Variants in NUP214 observed in about 807,000 individuals in gnomAD.
NUP214 encodes the protein nuclear pore complex protein Nup214.
Under a neutral mutation model 196.2 loss-of-function variants are expected in NUP214, and 79 were observed. The observed-to-expected ratio is 0.40, with a 90% confidence interval of 0.34 to 0.49. The LOEUF is 0.49. Ranked by LOEUF, NUP214 falls within the 20% of genes least tolerant of loss-of-function variation. The pLI is 0.58. For synonymous variants in NUP214, 1,020 were observed against 990.5 expected, an observed-to-expected ratio of 1.03 and a Z score of -0.56; for missense variants, 2,468 against 2,539.0, an observed-to-expected ratio of 0.97 and a Z score of 0.60.
At chr9:131,203,950 G>A (rs1834008073) in intron 30 of NUP214, among the ~76,000 whole-genome samples, 1 of 152,204 alleles carries the variant, frequency 6.6e-6, no homozygotes, top group African/African-American at 2.4e-5. Context: ...AGACCCTTCA[G>A]CTGGGACTCC....
At position 131,232,438 on chromosome 9, in the gene NUP214, TG is replaced by T; in HGVS notation, c.6239+135del. 1 of 951,446 alleles carries T rather than the reference TG, an allele frequency of 1.1e-6. No homozygotes were observed. Among genetic ancestry groups the T allele is most frequent in the Admixed American group, 1.9e-5 (1 of 52,204 alleles). The allele number at this position is 951,446 out of a possible 1,614,324, so 58.9% of individuals were successfully genotyped here. The stretch of plus-strand genomic sequence containing the variant: ...GTTTTTAGAGTTTGTCCTGGAAGTG[TG>T]GGGGTTCAGCAGCAGGGTTTGGGTT... On this transcript the variant is annotated intron_variant, in intron 35 of 35. Coordinates refer to ENST00000359428, the MANE Select transcript of NUP214 (RefSeq NM_005085.4). This position sits in a 1 kb window ranked among gnomAD's most constrained non-coding sequence, Gnocchi z 5.1.
At chr9:131,140,888 A>G (rs374577329) in intron 11 of NUP214, among the ~76,000 whole-genome samples, 178 bp downstream of exon 11, 1 of 152,074 alleles carries the variant, frequency 6.6e-6, no homozygotes, top group Non-Finnish European at 1.5e-5. Context: ...GCCTTCCCCT[A>G]CCCTCAAGCT....
At chr9:131,230,452 A>C in intron 33 of NUP214, 178 bp from the exon 34 acceptor site, 1 of 640,886 alleles carries the variant, frequency 1.6e-6, no homozygotes, top group Non-Finnish European at 2.7e-6. Flanking sequence ...GAGCAGAGAT[A>C]AAAGTTGGCC....
In NUP214 at chr9:131,159,331, C is replaced by T. The variant is rs1035026471; in HGVS notation, c.2437-52C>T. The T allele has an allele frequency of 8.0e-5, 104 of 1,297,610 alleles. 1 individual carries two copies. In the African/African-American group the frequency reaches 1.5e-3, roughly 19 times the overall value. 80.4% of individuals were successfully genotyped at this position (1,297,610 alleles called of 1,614,324 possible). A position where few individuals can be genotyped will look rare whatever the true frequency, so the allele number is the denominator to read the frequency against. ...CTTTTGACTGTTTTGATACATCTTC[C>T]CCCAAACTATCAGAAAAACAAGTTA... On this transcript the variant is annotated intron_variant, in intron 17 of 35. Transcript: ENST00000359428.
chr9:131,190,529 C>T (rs1269630555), intron 26 of NUP214: 1 of 670,744 alleles, frequency 1.5e-6, no homozygotes, highest in Non-Finnish European at 2.7e-6. Flanking sequence ...GGAAAACTTC[C>T]CTGAAAGGTG....
Position 131,146,907 on chromosome 9 carries a change from C to T in NUP214, c.1946-583C>T, listed in dbSNP as rs528475258. On this transcript the variant is annotated intron_variant, in intron 13 of 35. Transcript: ENST00000359428. The surrounding 1 kb of genome is among the most constrained non-coding windows in gnomAD (Gnocchi z 4.6). Reference sequence around the variant, plus strand: ...ATCACGCCACTGCTCTCCAGCCTGGCGACAGAGCGAGACTCTGTCTCAAAA... The same window carrying T: ...ATCACGCCACTGCTCTCCAGCCTGGTGACAGAGCGAGACTCTGTCTCAAAA... 1.6e-4 allele frequency among the ~76,000 whole-genome samples: 23 copies of T among 146,974 alleles called. No individual in the cohort carries two copies. Among genetic ancestry groups the T allele is most frequent in the Middle Eastern group, 3.4e-3 (1 of 290 alleles).
chr9:131,206,161 T>TTTTTTTTTTTTTTTTTTTTTTTTTC (rs1834079790), intron 30 of NUP214, among the ~76,000 whole-genome samples: 1 of 130,368 alleles, frequency 7.7e-6, no homozygotes, highest in Non-Finnish European at 1.7e-5. Flanking sequence ...TTTTTTTTTT[T>TTTTTTTTTTTTTTTTTTTTTTTTTC]TGAGACAGGG....
intron 4 of NUP214, 29 bp downstream of exon 4, chr9:131,129,506 C>T: frequency 6.3e-7 from 1 of 1,585,896 alleles, no homozygotes; most frequent in Non-Finnish European, 8.7e-7. Flanking sequence ...CACACTGTAG[C>T]ATACAATCAT....
chr9:131,180,485 C>A (rs539622885), intron 24 of NUP214, among the ~76,000 whole-genome samples: 64 of 152,172 alleles, frequency 4.2e-4, no homozygotes, highest in African/African-American at 1.3e-3. Flanking sequence ...ACAGTAGTTT[C>A]CTAAGTGTAT....
chr9:131,143,812 GT>G (rs551952421), intron 11 of NUP214, among the ~76,000 whole-genome samples: 37 of 143,928 alleles, frequency 2.6e-4, no homozygotes, highest in African/African-American at 7.4e-4. Flanking sequence ...CTTTGCGATT[GT>G]TTTTTTTTTG....
chr9:131,139,148 G>A (rs755400), intron 9 of NUP214, 133 bp from the exon 10 acceptor site: 251,568 of 1,019,208 alleles, frequency 0.25, 32,744 homozygotes, highest in East Asian at 0.41. Context: ...GTCAACACCT[G>A]AGTCTAAACC....
chr9:131,198,899 A>G lies in NUP214; in HGVS notation c.5405A>G (p.Asn1802Ser), dbSNP rs1407664413. 5 of 1,614,144 alleles carry G rather than the reference A, an allele frequency of 3.1e-6. No homozygotes were observed. The highest frequency in any genetic ancestry group is 2.2e-5 in the East Asian group (1 of 44,892). ...NTGGGLFGQS[N>S]APAFGQSPGF... ...GGAGGGGGGCTGTTTGGCCAAAGCAACGCTCCTGCTTTTGGGCAGAGTCCT... is the reference window on the plus strand; with the variant it reads ...GGAGGGGGGCTGTTTGGCCAAAGCAGCGCTCCTGCTTTTGGGCAGAGTCCT... Residue 1802 changes from asparagine (N) to serine (S), a missense_variant, in exon 29 of 36, where the codon AAC becomes AGC. Physicochemically the swap from Asn to Ser is conservative, Grantham distance 46. Around this residue, in one of 5 missense-constraint regions of NUP214, gnomAD observed 1,801 missense variants for 1,779.4 expected, o/e 1.01. Transcript: ENST00000359428.
intron 18 of NUP214, chr9:131,162,696 C>T: frequency 5.9e-6 from 2 of 340,656 alleles, no homozygotes; most frequent in Non-Finnish European, 1.1e-5. Flanking sequence ...TGACTCACAC[C>T]TCACTCCTGC....
chr9:131,146,932 A>G lies in NUP214; in HGVS notation c.1946-558A>G, dbSNP rs962398312. ...CGACAGAGCGAGACTCTGTCTCAAA[A>G]AAAAAAAAAAGTACAGAGGAGAGAG... On this transcript the variant is annotated intron_variant, in intron 13 of 35. Coordinates refer to ENST00000359428, the MANE Select transcript of NUP214 (RefSeq NM_005085.4). This position sits in a 1 kb window ranked among gnomAD's most constrained non-coding sequence, Gnocchi z 4.6. 6.6e-6 allele frequency among the ~76,000 whole-genome samples: 1 copy of G among 151,786 alleles called. No homozygotes were observed. Among genetic ancestry groups the G allele is most frequent in the Non-Finnish European group, 1.5e-5 (1 of 67,924 alleles).
intron 21 of NUP214, among the ~76,000 whole-genome samples, chr9:131,172,640 A>G (rs1832992384): frequency 6.6e-6 from 1 of 152,216 alleles, no homozygotes; most frequent in Non-Finnish European, 1.5e-5. Flanking sequence ...TGAAATGTGG[A>G]TAGTGCAATC....
chr9:131,134,590 T>A (rs1009101850), intron 7 of NUP214, among the ~76,000 whole-genome samples: 1 of 152,196 alleles, frequency 6.6e-6, no homozygotes, highest in African/African-American at 2.4e-5. Context: ...TTTTACACTT[T>A]ACAGTAGCCT....
chr9:131,175,088 T>C (rs1181413562), intron 22 of NUP214, among the ~76,000 whole-genome samples: 1 of 152,220 alleles, frequency 6.6e-6, no homozygotes, highest in African/African-American at 2.4e-5. Context: ...ACAGGTGTTG[T>C]GCCCCCACAC....
chr9:131,212,056 A>G (rs571412730), intron 30 of NUP214, among the ~76,000 whole-genome samples: 6 of 152,300 alleles, frequency 3.9e-5, no homozygotes, highest in Middle Eastern at 3.4e-3. Flanking sequence ...AAGAGAATGC[A>G]TTCCTAGGGA....
chr9:131,134,886 T>G lies in NUP214; in HGVS notation c.832-12T>G. On this transcript the variant is annotated splice_polypyrimidine_tract_variant and intron_variant, in intron 7 of 35. Coordinates refer to ENST00000359428, the MANE Select transcript of NUP214 (RefSeq NM_005085.4). ...CACATGAGAATTTTTTTTCTTGCTTTGTTCATTGTAGAAAAAAGAAGAAAA... is the reference window on the plus strand; with the variant it reads ...CACATGAGAATTTTTTTTCTTGCTTGGTTCATTGTAGAAAAAAGAAGAAAA... 6.3e-7 allele frequency: 1 copy of G among 1,591,370 alleles called. No homozygotes were observed. Among genetic ancestry groups the G allele is most frequent in the Non-Finnish European group, 8.6e-7 (1 of 1,162,094 alleles).
Sources: allele counts gnomAD v4.1 joint callset (sites outside exome capture counted in the v4.1 genomes callset), GRCh38; gene constraint gnomAD v4.1.1; regional missense constraint gnomAD v4.1.1; non-coding constraint Gnocchi (gnomAD v3.1); transcripts MANE v1.5; gene names NCBI Gene and HGNC (gene_info 2026-07-23, HGNC 2026-07-21).